KIAA1328: variants seen among roughly 807,000 people sequenced by gnomAD.
The protein encoded by KIAA1328 is KIAA1328.
In KIAA1328, 52 loss-of-function variants were observed where a neutral mutation model predicts 68.1. The observed-to-expected ratio is 0.76, with a 90% CI of 0.61 to 0.96. The LOEUF (loss-of-function observed/expected upper bound fraction) is 0.96. Among genes scored for constraint, KIAA1328 ranks in the 40% least tolerant of loss-of-function variants. The pLI is 0.00. For synonymous variants in KIAA1328, 232 were observed against 239.4 expected, an observed-to-expected ratio of 0.97 and a Z score of 0.28; for missense variants, 641 against 677.6, an observed-to-expected ratio of 0.95 and a Z score of 0.60.
chr18:37,123,187 C>T lies in KIAA1328; in HGVS notation c.1233-37013C>T, dbSNP rs111863894. 4.9e-3 allele frequency among the ~76,000 whole-genome samples: 749 copies of T among 152,212 alleles called. 6 individuals are homozygous for T. Among genetic ancestry groups the T allele is most frequent in the African/African-American group, 0.017 (707 of 41,542 alleles). On this transcript the variant is annotated intron_variant, in intron 7 of 9. Coordinates refer to ENST00000280020, the MANE Select transcript of KIAA1328 (RefSeq NM_020776.3). ...CTTGTTAGTATACTAGAGAGCATTT[C>T]AGCAAAATCAAAGAGAGAAGAAAAA...
Position 37,220,012 on chromosome 18 carries a change from G to T in KIAA1328, c.1524-2005G>T, listed in dbSNP as rs1047576758. ...TTTTAATTTTGAGGAGGATCTTTCT[G>T]TTGATGCAACTGACAGTGGAGCTGC... On this transcript the variant is annotated intron_variant, in intron 9 of 9. Coordinates refer to ENST00000280020, the MANE Select transcript of KIAA1328 (RefSeq NM_020776.3). 2.6e-5 allele frequency among the ~76,000 whole-genome samples: 4 copies of T among 152,206 alleles called. No homozygotes were observed. The South Asian group carries it at 8.3e-4, about 31-fold the overall frequency.
intron 7 of KIAA1328, among the ~76,000 whole-genome samples, chr18:37,148,377 T>A (rs1252034531): frequency 1.3e-5 from 2 of 152,224 alleles, no homozygotes; most frequent in Non-Finnish European, 2.9e-5. Flanking sequence ...CAGTCTATCA[T>A]TGATGGGCAT....
At chr18:36,939,193 C>T (rs1032493812) in intron 5 of KIAA1328, among the ~76,000 whole-genome samples, 2 of 152,074 alleles carry the variant, frequency 1.3e-5, no homozygotes, top group African/African-American at 4.8e-5. Flanking sequence ...GTAGTATGAA[C>T]ATTTTAACAA....
intron 9 of KIAA1328, among the ~76,000 whole-genome samples, chr18:37,191,440 G>A (rs1481776107): frequency 2.0e-5 from 3 of 152,046 alleles, no homozygotes. Context: ...AGTAACTTTA[G>A]GTACAGTCTA....
rs372273840 is a variant in KIAA1328, at chr18:36,858,277, C to T, written c.332+13975C>T. The stretch of plus-strand genomic sequence containing the variant: ...TTCATCCCTGCTAATATTAGTTGTC[C>T]TGTAGTCTGCTTTTTCTGATGTTAA... On this transcript the variant is annotated intron_variant, in intron 4 of 9. Transcript: ENST00000280020. Among the ~76,000 whole-genome samples the T allele has an allele frequency of 5.9e-5, 9 of 152,174 alleles. No homozygotes were observed. The East Asian group carries it at 1.7e-3, about 29-fold the overall frequency.
chr18:36,945,921 G>C (rs1414379135), intron 5 of KIAA1328, among the ~76,000 whole-genome samples: 1 of 152,146 alleles, frequency 6.6e-6, no homozygotes, highest in Non-Finnish European at 1.5e-5. Flanking sequence ...CTTGAGGCCA[G>C]AAGTGTTTCA....
chr18:36,831,653 G>T lies in KIAA1328; in HGVS notation c.58+2457G>T, dbSNP rs549692646. ...AAAACATTGCAGTATAATCTCTGCTGTTGAGTTTTCAAATGGAAACAAAGA... is the reference window on the plus strand; with the variant it reads ...AAAACATTGCAGTATAATCTCTGCTTTTGAGTTTTCAAATGGAAACAAAGA... On this transcript the variant is annotated intron_variant, in intron 1 of 9. Transcript: ENST00000280020. 2.0e-5 allele frequency among the ~76,000 whole-genome samples: 3 copies of T among 152,238 alleles called. No homozygotes were observed. In the East Asian group the frequency reaches 5.8e-4, roughly 29 times the overall value.
At chr18:37,131,872 G>C (rs2058530687) in intron 7 of KIAA1328, among the ~76,000 whole-genome samples, 1 of 152,104 alleles carries the variant, frequency 6.6e-6, no homozygotes, top group Admixed American at 6.5e-5. Flanking sequence ...ACTGTTGGAG[G>C]GTTCTGGGGT....
intron 5 of KIAA1328, among the ~76,000 whole-genome samples, chr18:36,918,061 C>T (rs557520116): frequency 2.8e-4 from 43 of 151,940 alleles, no homozygotes; most frequent in African/African-American, 6.5e-4. Context: ...TATTGTGAGA[C>T]GACTTCATCA....
intron 6 of KIAA1328, among the ~76,000 whole-genome samples, chr18:37,013,102 A>G (rs2054031527): frequency 6.6e-6 from 1 of 152,178 alleles, no homozygotes; most frequent in South Asian, 2.1e-4. Context: ...TTTTGGTGTT[A>G]GTTAATAAAT....
At chr18:36,970,420 A>G (rs879011943) in intron 6 of KIAA1328, among the ~76,000 whole-genome samples, 2 of 152,036 alleles carry the variant, frequency 1.3e-5, no homozygotes, top group African/African-American at 4.8e-5. Flanking sequence ...CTCTCTCACC[A>G]CTCTTACTCA....
intron 5 of KIAA1328, among the ~76,000 whole-genome samples, chr18:36,920,056 G>T (rs1438821355): frequency 2.0e-5 from 3 of 152,046 alleles, no homozygotes; most frequent in Admixed American, 6.5e-5. Context: ...CTTTTGCTGG[G>T]CAGTGGTCCC....
chr18:37,146,122 A>G (rs1419996693), intron 7 of KIAA1328, among the ~76,000 whole-genome samples: 1 of 151,948 alleles, frequency 6.6e-6, no homozygotes, highest in African/African-American at 2.4e-5. Context: ...TCAGGGATAC[A>G]TGTGCAGGTT....
chr18:36,878,867 G>T (rs1297865663), intron 4 of KIAA1328, among the ~76,000 whole-genome samples: 1 of 152,172 alleles, frequency 6.6e-6, no homozygotes. Flanking sequence ...AGCTCCATCA[G>T]GTCATTTATG....
At chr18:37,093,964 G>A (rs905035044) in intron 7 of KIAA1328, among the ~76,000 whole-genome samples, 11 of 152,160 alleles carry the variant, frequency 7.2e-5, no homozygotes, top group African/African-American at 2.4e-4. Context: ...ACAGAGCAGC[G>A]GTCTCATGAG....
Position 37,223,611 on chromosome 18 carries a change from T to G in KIAA1328, c.*1384T>G. ...ACCCCAACTAAACTGGGAGTAAGAC[T>G]TAGTCAGTGTTGGTAGACAAAGTCA... On this transcript the variant is annotated 3_prime_UTR_variant, in exon 10 of 10. Coordinates refer to ENST00000280020, the MANE Select transcript of KIAA1328 (RefSeq NM_020776.3). 1.0e-6 allele frequency: 1 copy of G among 985,358 alleles called. No homozygotes were observed. Among genetic ancestry groups the G allele is most frequent in the Non-Finnish European group, 1.2e-6 (1 of 829,900 alleles). 61.0% of individuals were successfully genotyped at this position (985,358 alleles called of 1,614,324 possible). A position where few individuals can be genotyped will look rare whatever the true frequency, so the allele number is the denominator to read the frequency against.
chr18:37,184,921 T>G (rs2059765472), intron 9 of KIAA1328, among the ~76,000 whole-genome samples: 1 of 152,070 alleles, frequency 6.6e-6, no homozygotes, highest in African/African-American at 2.4e-5. Flanking sequence ...CCCAGCACTT[T>G]GGGAGGCTGA....
intron 3 of KIAA1328, among the ~76,000 whole-genome samples, chr18:36,836,504 A>G (rs2046678832): frequency 6.6e-6 from 1 of 152,100 alleles, no homozygotes; most frequent in Non-Finnish European, 1.5e-5. Flanking sequence ...ACCTTTCAAC[A>G]CTGTACTTTA....
intron 7 of KIAA1328, among the ~76,000 whole-genome samples, chr18:37,143,516 T>C (rs1428527144): frequency 7.3e-6 from 1 of 137,426 alleles, no homozygotes; most frequent in African/African-American, 2.7e-5. Context: ...TGCCTTTTTT[T>C]CTTTCTTTTT....
Sources: gnomAD v4.1 joint callset for allele counts (sites outside exome capture counted in the v4.1 genomes callset) on GRCh38, gnomAD v4.1.1 for gene constraint, MANE v1.5 for transcripts, NCBI Gene and HGNC (gene_info 2026-07-23, HGNC 2026-07-21) for gene names.